MVB12B: variants seen among roughly 807,000 people sequenced by gnomAD.
MVB12B encodes the protein ESCRT-I complex subunit MVB12B.
Under a neutral mutation model 41.6 loss-of-function variants are expected in MVB12B, and 16 were observed. The observed-to-expected ratio is 0.38, with a 90% CI of 0.26 to 0.58. The LOEUF (loss-of-function observed/expected upper bound fraction) is 0.58, where lower values mean the gene tolerates loss of function less well. Ranked by LOEUF, MVB12B falls within the 20% of genes least tolerant of loss-of-function variation. MVB12B has a pLI of 0.62. For synonymous variants in MVB12B, 133 were observed against 139.7 expected, an observed-to-expected ratio of 0.95 and a Z score of 0.34; for missense variants, 274 against 380.2, an observed-to-expected ratio of 0.72 and a Z score of 2.32.
At chr9:126,370,258 A>G (rs1830298413) in intron 2 of MVB12B, among the ~76,000 whole-genome samples, 1 of 151,976 alleles carries the variant, frequency 6.6e-6, no homozygotes, top group Non-Finnish European at 1.5e-5. Context: ...GTGCAGGTTC[A>G]GGTTTGTACT....
intron 9 of MVB12B, among the ~76,000 whole-genome samples, chr9:126,499,431 A>AT (rs1008446089): frequency 2.0e-5 from 3 of 152,142 alleles, no homozygotes; most frequent in Non-Finnish European, 4.4e-5. Context: ...TTAATTGAAA[A>AT]TTTTTTTAAT....
At chr9:126,346,493 G>A (rs143633536) in intron 2 of MVB12B, among the ~76,000 whole-genome samples, 242 of 152,224 alleles carry the variant, frequency 1.6e-3, no homozygotes, top group Non-Finnish European at 2.6e-3. Context: ...GGGTGGAGGC[G>A]GGAGGGAGAC....
At chr9:126,494,105 T>G (rs538970052) in intron 9 of MVB12B, among the ~76,000 whole-genome samples, 1 of 152,200 alleles carries the variant, frequency 6.6e-6, no homozygotes, top group Admixed American at 6.5e-5. Flanking sequence ...GTTTTTTTTT[T>G]CCTTCATGTT....
intron 9 of MVB12B, among the ~76,000 whole-genome samples, chr9:126,499,925 C>T (rs938292952): frequency 6.6e-6 from 1 of 151,592 alleles, no homozygotes; most frequent in African/African-American, 2.4e-5. Context: ...ATGCCCTCCC[C>T]GTGACCCTGT....
Position 126,478,182 on chromosome 9 carries a change from C to CTCCCTGCT in MVB12B, c.758-3185_758-3178dup, listed in dbSNP as rs1333032813. Among the ~76,000 whole-genome samples, 2 of 152,182 alleles carry CTCCCTGCT rather than the reference C, an allele frequency of 1.3e-5. No individual in the cohort carries two copies. Among genetic ancestry groups the CTCCCTGCT allele is most frequent in the African/African-American group, 2.4e-5 (1 of 41,434 alleles). On this transcript the variant is annotated intron_variant, in intron 7 of 9. Transcript: ENST00000361171. This position sits in a 1 kb window ranked among gnomAD's most constrained non-coding sequence, Gnocchi z 4.2. ...TATATGAATTTTTTAAAACATTTCC[C>CTCCCTGCT]TCCCTGCTTAGATCTTCCTAGTTCC...
chr9:126,411,776 A>G (rs1490023507), intron 6 of MVB12B, among the ~76,000 whole-genome samples: 1 of 152,246 alleles, frequency 6.6e-6, no homozygotes, highest in Non-Finnish European at 1.5e-5. Flanking sequence ...GCCTAGAGTG[A>G]TTAAAATAAC....
At chr9:126,499,099 A>G (rs962307333) in intron 9 of MVB12B, among the ~76,000 whole-genome samples, 1 of 152,170 alleles carries the variant, frequency 6.6e-6, no homozygotes, top group African/African-American at 2.4e-5. Flanking sequence ...TTTGCCTCGA[A>G]GCTGGGTGCT....
intron 2 of MVB12B, among the ~76,000 whole-genome samples, chr9:126,377,992 G>A (rs888020105): frequency 2.6e-5 from 4 of 152,218 alleles, no homozygotes; most frequent in East Asian, 1.9e-4. Flanking sequence ...AGTGATGCCC[G>A]CAGGGAAAGG....
chr9:126,476,521 T>C (rs776670889), intron 7 of MVB12B, among the ~76,000 whole-genome samples: 8 of 152,228 alleles, frequency 5.3e-5, no homozygotes, highest in Non-Finnish European at 7.3e-5. Flanking sequence ...TGTGTATGCA[T>C]ATGCATACGT....
intron 1 of MVB12B, among the ~76,000 whole-genome samples, chr9:126,338,162 C>T (rs1280474767): frequency 6.6e-6 from 1 of 152,248 alleles, no homozygotes; most frequent in Non-Finnish European, 1.5e-5. Context: ...CAAAGGCCGC[C>T]TCCGTCCGGG....
At chr9:126,438,510 G>A (rs1832550284) in intron 7 of MVB12B, among the ~76,000 whole-genome samples, 3 of 152,284 alleles carry the variant, frequency 2.0e-5, no homozygotes, top group East Asian at 1.9e-4. Flanking sequence ...AAGTCCAGGT[G>A]GTGTGTACCC....
intron 7 of MVB12B, among the ~76,000 whole-genome samples, chr9:126,425,287 A>T (rs1286553096): frequency 2.0e-5 from 3 of 152,174 alleles, no homozygotes; most frequent in African/African-American, 7.2e-5. Context: ...GTCTCTTTAA[A>T]AAAATTAATT....
intron 6 of MVB12B, among the ~76,000 whole-genome samples, chr9:126,409,330 TG>T (rs1831552733): frequency 6.6e-6 from 1 of 151,730 alleles, no homozygotes; most frequent in African/African-American, 2.4e-5. Context: ...TGTGTGTGTG[TG>T]TGTGTGTGTG....
chr9:126,502,296 G>A (rs996620958), intron 9 of MVB12B, among the ~76,000 whole-genome samples: 2 of 151,866 alleles, frequency 1.3e-5, no homozygotes, highest in Non-Finnish European at 2.9e-5. Flanking sequence ...GGGGTGCCCC[G>A]TGCCTGCTCT....
intron 7 of MVB12B, among the ~76,000 whole-genome samples, chr9:126,463,057 T>C (rs1441530550): frequency 6.6e-6 from 1 of 152,226 alleles, no homozygotes; most frequent in African/African-American, 2.4e-5. Context: ...ACACTGCACC[T>C]TCCGCCTCAT....
At chr9:126,491,511 G>A (rs1833731662) in intron 9 of MVB12B, among the ~76,000 whole-genome samples, 2 of 152,116 alleles carry the variant, frequency 1.3e-5, no homozygotes, top group African/African-American at 2.4e-5. Context: ...AACTGCAGCA[G>A]GAAATAAGGT....
chr9:126,363,377 G>A (rs1830077401), intron 2 of MVB12B, among the ~76,000 whole-genome samples: 1 of 152,170 alleles, frequency 6.6e-6, no homozygotes, highest in Admixed American at 6.5e-5. Context: ...TACCGTGTGT[G>A]TAGGGAGTGG....
chr9:126,459,743 C>A lies in MVB12B; in HGVS notation c.758-21626C>A, dbSNP rs930688175. Among the ~76,000 whole-genome samples the A allele has an allele frequency of 2.6e-5, 4 of 152,126 alleles. No homozygotes were observed. In the South Asian group the frequency reaches 6.2e-4, roughly 24 times the overall value. ...CAGTTGTTACAGCGCTCACAGGGGC[C>A]GCGCTCACCTGCACCCATCCTTGCC... On this transcript the variant is annotated intron_variant, in intron 7 of 9. Transcript: ENST00000361171. The surrounding 1 kb of genome is among the most constrained non-coding windows in gnomAD (Gnocchi z 4.3).
chr9:126,489,785 G>A (rs1465102509), intron 9 of MVB12B, among the ~76,000 whole-genome samples: 1 of 152,280 alleles, frequency 6.6e-6, no homozygotes, highest in East Asian at 1.9e-4. Context: ...CCCAGGGCCC[G>A]CATACATGAG....
Sources: gnomAD v4.1 joint callset for allele counts (sites outside exome capture counted in the v4.1 genomes callset) on GRCh38, gnomAD v4.1.1 for gene constraint, Gnocchi (gnomAD v3.1) non-coding constraint, MANE v1.5 for transcripts, NCBI Gene and HGNC (gene_info 2026-07-23, HGNC 2026-07-21) for gene names.